CHDH: variants seen among roughly 807,000 people sequenced by gnomAD.
CHDH encodes the protein choline dehydrogenase.
Under a neutral mutation model 56.9 loss-of-function variants are expected in CHDH, and 43 were observed. That is an observed-to-expected ratio of 0.76 (90% CI 0.59 to 0.97). The LOEUF is 0.97. Among genes scored for constraint, CHDH ranks in the 50% least tolerant of loss-of-function variants. The probability of loss-of-function intolerance (pLI) is 0.00; values close to 1 mark genes in which losing one functional copy is unlikely to be tolerated. For synonymous variants in CHDH, 364 were observed against 348.5 expected, an observed-to-expected ratio of 1.04 and a Z score of -0.50; for missense variants, 816 against 821.1, an observed-to-expected ratio of 0.99 and a Z score of 0.08.
At chr3:53,828,791 G>C (rs1698238003) in intron 2 of CHDH, among the ~76,000 whole-genome samples, 1 of 152,216 alleles carries the variant, frequency 6.6e-6, no homozygotes, top group Non-Finnish European at 1.5e-5. Flanking sequence ...TTCATTCATA[G>C]CTGGTGGGAG....
In CHDH at chr3:53,846,390, G is replaced by T. The variant is rs868627524; in HGVS notation, c.-438C>A. The T allele has an allele frequency of 1.5e-5, 8 of 517,634 alleles. No individual in the cohort carries two copies. Among genetic ancestry groups the T allele is most frequent in the Middle Eastern group, 5.1e-4 (1 of 1,974 alleles). 32.1% of individuals were successfully genotyped at this position (517,634 alleles called of 1,614,324 possible). On this transcript the variant is annotated 5_prime_UTR_variant, in exon 1 of 9. Transcript: ENST00000315251. The stretch of plus-strand genomic sequence containing the variant: ...CCGTGCTCCGCCAGCGCTCGGACAC[G>T]GCCCATCCCTCCGAGCCCCAGCAGG...
chr3:53,837,737 G>A (rs975709983), intron 2 of CHDH, among the ~76,000 whole-genome samples: 3 of 152,068 alleles, frequency 2.0e-5, no homozygotes, highest in African/African-American at 4.8e-5. Flanking sequence ...AAACCTTCAC[G>A]GTGGTCTATA....
At position 53,820,556 on chromosome 3, in the gene CHDH, G is replaced by A; in HGVS notation, c.1038C>T (p.Cys346=). ...DHLEIYIQQA[C]TRPITLHSAQ... Reference sequence around the variant, plus strand: ...CTGAATGGAGGGTGATAGGGCGGGTGCATGCCTGCTGAATGTAGATCTCCA... The same window carrying A: ...CTGAATGGAGGGTGATAGGGCGGGTACATGCCTGCTGAATGTAGATCTCCA... The change falls in exon 6 of 9, where the codon TGC becomes TGT. Residue 346 remains cysteine (C), a synonymous_variant. Coordinates refer to ENST00000315251, the MANE Select transcript of CHDH (RefSeq NM_018397.5). The A allele has an allele frequency of 6.2e-7, 1 of 1,614,100 alleles. No homozygotes were observed.
At chr3:53,820,428 A>G in intron 6 of CHDH, 46 bp downstream of exon 6, 1 of 1,568,780 alleles carries the variant, frequency 6.4e-7, no homozygotes, top group Non-Finnish European at 8.6e-7. Flanking sequence ...GGAGGTCTCA[A>G]TGCTTATAGG....
intron 2 of CHDH, among the ~76,000 whole-genome samples, chr3:53,830,374 A>G (rs1317543182): frequency 6.6e-6 from 1 of 151,256 alleles, no homozygotes; most frequent in Non-Finnish European, 1.5e-5. Context: ...CAAAAAGAAT[A>G]TTATAAGAGG....
chr3:53,823,264 T>G, intron 3 of CHDH, 42 bp downstream of exon 3: 1 of 1,434,658 alleles, frequency 7.0e-7, no homozygotes, highest in Non-Finnish European at 9.2e-7. Flanking sequence ...GGGGCTGGGG[T>G]AGGGGGTAGT....
intron 2 of CHDH, among the ~76,000 whole-genome samples, chr3:53,830,307 A>G (rs1270894447): frequency 6.6e-6 from 1 of 152,096 alleles, no homozygotes; most frequent in Non-Finnish European, 1.5e-5. Context: ...AGTGAAAATG[A>G]AGGACACATA....
intron 8 of CHDH, 135 bp from the exon 9 acceptor site, chr3:53,818,330 G>A: frequency 1.3e-6 from 1 of 774,118 alleles, no homozygotes; most frequent in South Asian, 1.9e-5. Context: ...GGCCATGGGG[G>A]ACTGAGCCAG....
chr3:53,836,125 T>C (rs1054283381), intron 2 of CHDH, among the ~76,000 whole-genome samples: 8 of 152,154 alleles, frequency 5.3e-5, no homozygotes, highest in African/African-American at 1.9e-4. Context: ...GGGAGTGCAG[T>C]GCAGTGGCCC....
At chr3:53,838,035 C>T (rs1231974222) in intron 2 of CHDH, among the ~76,000 whole-genome samples, 4 of 113,180 alleles carry the variant, frequency 3.5e-5, no homozygotes, top group South Asian at 3.1e-4. Context: ...CCAACCTGGG[C>T]GACAGAGTGA....
chr3:53,836,842 A>T (rs1393149459), intron 2 of CHDH, among the ~76,000 whole-genome samples: 2 of 152,230 alleles, frequency 1.3e-5, no homozygotes, highest in Non-Finnish European at 2.9e-5. Context: ...GGTGATGGTT[A>T]CCCAGGCATA....
chr3:53,816,787 C>T lies in CHDH; in HGVS notation c.*990G>A, dbSNP rs4563403. On this transcript the variant is annotated 3_prime_UTR_variant, in exon 9 of 9. Coordinates refer to ENST00000315251, the MANE Select transcript of CHDH (RefSeq NM_018397.5). ...TAAAACCTTTGGTAGTGAAGCCAAG[C>T]GGCATTCCCTCCAGACTCCTCTCCC... The T allele has an allele frequency of 0.22, 32,507 of 150,556 alleles. 4,828 individuals carry two copies. The highest frequency in any genetic ancestry group is 0.42 in the African/African-American group (16,981 of 40,706). 9.3% of individuals were successfully genotyped at this position (150,556 alleles called of 1,614,324 possible).
At position 53,815,928 on chromosome 3, in the gene CHDH, G is replaced by T. The variant is rs1168406085; in HGVS notation, c.*1849C>A. 1 of 152,230 alleles carries T rather than the reference G, an allele frequency of 6.6e-6. No individual in the cohort carries two copies. Among genetic ancestry groups the T allele is most frequent in the Non-Finnish European group, 1.5e-5 (1 of 68,050 alleles). The allele number at this position is 152,230 out of a possible 1,614,324, so 9.4% of individuals were successfully genotyped here. ...GCCATGGACTGCTGCTGTGGGGCAG[G>T]TGGGGACCCTCCGTAGGAGAAATAA... On this transcript the variant is annotated 3_prime_UTR_variant, in exon 9 of 9. Coordinates refer to ENST00000315251, the MANE Select transcript of CHDH (RefSeq NM_018397.5).
At chr3:53,824,121 C>A in intron 2 of CHDH, 54 bp from the exon 3 acceptor site, 1 of 1,085,420 alleles carries the variant, frequency 9.2e-7, no homozygotes, top group Non-Finnish European at 1.3e-6. Flanking sequence ...CCAGGGTATG[C>A]TCACCAACGG....
intron 2 of CHDH, among the ~76,000 whole-genome samples, chr3:53,834,506 G>C (rs1698433716): frequency 1.3e-5 from 2 of 152,208 alleles, no homozygotes; most frequent in Admixed American, 6.5e-5. Context: ...TTTGTGGTCA[G>C]AAAACGGATT....
intron 2 of CHDH, among the ~76,000 whole-genome samples, chr3:53,839,524 G>A (rs1259795637): frequency 6.6e-6 from 1 of 152,216 alleles, no homozygotes; most frequent in Non-Finnish European, 1.5e-5. Flanking sequence ...AGGATGTCAA[G>A]ATATCATTAT....
chr3:53,836,594 C>T (rs1472119393), intron 2 of CHDH, among the ~76,000 whole-genome samples: 1 of 152,260 alleles, frequency 6.6e-6, no homozygotes, highest in Non-Finnish European at 1.5e-5. Context: ...GTGAGATGAG[C>T]TGTGGAAAGC....
In CHDH at chr3:53,814,937, GGCGTGAGCCACCAT is replaced by G. The variant is rs2095613224; in HGVS notation, c.*2826_*2839del. On this transcript the variant is annotated 3_prime_UTR_variant, in exon 9 of 9. Coordinates refer to ENST00000315251, the MANE Select transcript of CHDH (RefSeq NM_018397.5). ...AGCCTTGCAAAGTGCTGGGATTACA[GGCGTGAGCCACCAT>G]GCCTAGCCAAGAAGAATCTATTTGA... The G allele has an allele frequency of 6.6e-6, 1 of 152,280 alleles. No individual in the cohort carries two copies. Among genetic ancestry groups the G allele is most frequent in the Non-Finnish European group, 1.5e-5 (1 of 68,114 alleles). 9.4% of individuals were successfully genotyped at this position (152,280 alleles called of 1,614,324 possible). A position where few individuals can be genotyped will look rare whatever the true frequency, so the allele number is the denominator to read the frequency against.
chr3:53,838,452 C>G (rs1351924780), intron 2 of CHDH, among the ~76,000 whole-genome samples: 2 of 152,192 alleles, frequency 1.3e-5, no homozygotes, highest in African/African-American at 4.8e-5. Flanking sequence ...GTGGCATCTG[C>G]AGCACAGAGG....
Sources: gnomAD v4.1 joint callset for allele counts (sites outside exome capture counted in the v4.1 genomes callset) on GRCh38, gnomAD v4.1.1 for gene constraint, MANE v1.5 for transcripts, NCBI Gene and HGNC (gene_info 2026-07-23, HGNC 2026-07-21) for gene names.